The following GARNL3 variants were observed in gnomAD, a reference collection of about 807,000 sequenced individuals.
GARNL3 encodes the protein GTPase-activating Rap/Ran-GAP domain-like protein 3.
A neutral mutation model predicts 125.0 loss-of-function variants in GARNL3; 63 were observed. The ratio of observed to expected loss-of-function variants is 0.50; its 90% CI spans 0.41 to 0.62. The LOEUF (loss-of-function observed/expected upper bound fraction) is 0.62, where lower values mean the gene tolerates loss of function less well. Among genes scored for constraint, GARNL3 ranks in the 20% least tolerant of loss-of-function variants. The probability of loss-of-function intolerance (pLI) is 0.00; values close to 1 mark genes in which losing one functional copy is unlikely to be tolerated. For missense variants in GARNL3, 994 were observed against 1,244.0 expected (o/e 0.80, Z 3.02); for synonymous variants, 439 against 457.5 (o/e 0.96, Z 0.52).
chr9:127,332,201 G>A lies in GARNL3; in HGVS notation c.595-73G>A, dbSNP rs180753175. On this transcript the variant is annotated intron_variant, in intron 7 of 27. Transcript: ENST00000373387. ...GGTGACTGCCATTGTGCTAAGTCACGAACAGCCCATCTCAAAACTATATAC... is the reference window on the plus strand; with the variant it reads ...GGTGACTGCCATTGTGCTAAGTCACAAACAGCCCATCTCAAAACTATATAC... 171 of 1,117,370 alleles carry A rather than the reference G, an allele frequency of 1.5e-4. 5 individuals are homozygous for A. The Admixed American group carries it at 2.1e-3, about 14-fold the overall frequency. 69.2% of individuals were successfully genotyped at this position (1,117,370 alleles called of 1,614,324 possible).
At chr9:127,246,806 CA>C (rs889466630) in intron 2 of GARNL3, among the ~76,000 whole-genome samples, 25 of 145,596 alleles carry the variant, frequency 1.7e-4, no homozygotes, top group African/African-American at 5.3e-4. Context: ...GACTCTGCCT[CA>C]AAAAAAAAAT....
Position 127,345,486 on chromosome 9 carries a change from A to C in GARNL3, c.1431+9A>C, listed in dbSNP as rs372890650. ...GGATCTGTAAAAAAGAGGTGAGTTC[A>C]TGATACTTTCAATTTGAACTTTGAA... On this transcript the variant is annotated intron_variant, in intron 16 of 27. Coordinates refer to ENST00000373387, the MANE Select transcript of GARNL3 (RefSeq NM_032293.5). The C allele has an allele frequency of 6.5e-7, 1 of 1,539,626 alleles. No homozygotes were observed. Among genetic ancestry groups the C allele is most frequent in the Non-Finnish European group, 8.9e-7 (1 of 1,127,278 alleles).
At chr9:127,261,338 C>T (rs1053343319), upstream of GARNL3, among the ~76,000 whole-genome samples, 1 of 151,756 alleles carries the variant, frequency 6.6e-6, no homozygotes, top group South Asian at 2.1e-4. Context: ...CCCCAGAGTC[C>T]TCTCCATTGC....
At chr9:127,356,152 A>G (rs573222083) in intron 20 of GARNL3, among the ~76,000 whole-genome samples, 2 of 152,336 alleles carry the variant, frequency 1.3e-5, no homozygotes, top group East Asian at 3.9e-4. Flanking sequence ...GAAGCAGAGA[A>G]GTGGCAGGTT....
chr9:127,224,875 G>C (rs1362132783), intron 1 of GARNL3, among the ~76,000 whole-genome samples: 2 of 147,522 alleles, frequency 1.4e-5, no homozygotes, highest in African/African-American at 5.0e-5. Flanking sequence ...AACCCCGCGG[G>C]GCTGGCGCGG....
In GARNL3 at chr9:127,365,985, G is replaced by A. The variant is rs968398214; in HGVS notation, c.2161+619G>A. ...GTTGGGCAGACCAAAGGTATCAAAT[G>A]GGATCTTTAAGGATTTTCAGCATTT... On this transcript the variant is annotated intron_variant, in intron 22 of 27. Transcript: ENST00000373387. Among the ~76,000 whole-genome samples the A allele has an allele frequency of 1.6e-4, 25 of 152,222 alleles. No individual in the cohort carries two copies. The South Asian group carries it at 2.3e-3, about 14-fold the overall frequency.
intron 22 of GARNL3, among the ~76,000 whole-genome samples, chr9:127,374,145 C>T (rs1232167162): frequency 6.6e-6 from 1 of 151,804 alleles, no homozygotes; most frequent in African/African-American, 2.4e-5. Context: ...CTACTAAATA[C>T]AAAAAATTAG....
intron 2 of GARNL3, among the ~76,000 whole-genome samples, chr9:127,306,726 C>CAA (rs544849770): frequency 1.3e-4 from 14 of 103,776 alleles, no homozygotes; most frequent in Middle Eastern, 5.1e-3. Flanking sequence ...AATTCTGTCT[C>CAA]AAAAAAAAAA....
At chr9:127,371,982 A>G (rs1831635453) in intron 22 of GARNL3, among the ~76,000 whole-genome samples, 1 of 152,172 alleles carries the variant, frequency 6.6e-6, no homozygotes, top group Admixed American at 6.5e-5. Flanking sequence ...GCCCAGGCTG[A>G]AGTTCAGTGG....
chr9:127,252,867 T>A (rs2063430457), intron 2 of GARNL3, among the ~76,000 whole-genome samples: 1 of 152,232 alleles, frequency 6.6e-6, no homozygotes, highest in East Asian at 1.9e-4. Flanking sequence ...AATTGCATTA[T>A]CTATGTATTG....
In GARNL3 at chr9:127,336,337, G is replaced by A. The variant is rs546512545; in HGVS notation, c.982+101G>A. On this transcript the variant is annotated intron_variant, in intron 11 of 27. Transcript: ENST00000373387. ...CCAAATCTTGTCATGGACTTGTTTT[G>A]TAATGCTAGCTTTAGACTCACTTTT... The A allele has an allele frequency of 1.5e-4, 106 of 729,076 alleles. 3 individuals carry two copies. The South Asian group carries it at 1.9e-3, about 13-fold the overall frequency. 45.2% of individuals were successfully genotyped at this position (729,076 alleles called of 1,614,324 possible). A position where few individuals can be genotyped will look rare whatever the true frequency, so the allele number is the denominator to read the frequency against.
chr9:127,380,126 T>C (rs1213463318), intron 22 of GARNL3, among the ~76,000 whole-genome samples: 1 of 151,512 alleles, frequency 6.6e-6, no homozygotes, highest in Non-Finnish European at 1.5e-5. Flanking sequence ...CCAAGAGGCA[T>C]AGGTTGCAGT....
chr9:127,291,610 G>C (rs1221282802), intron 2 of GARNL3, among the ~76,000 whole-genome samples: 1 of 151,964 alleles, frequency 6.6e-6, no homozygotes, highest in Non-Finnish European at 1.5e-5. Context: ...AAAAATTACT[G>C]CAATGACAAA....
intron 2 of GARNL3, among the ~76,000 whole-genome samples, chr9:127,308,719 T>A (rs1053857469): frequency 5.9e-5 from 9 of 152,190 alleles, no homozygotes; most frequent in African/African-American, 2.2e-4. Context: ...AGAATACAGA[T>A]GGCATCAATG....
chr9:127,322,788 G>T (rs2065442229), intron 6 of GARNL3, among the ~76,000 whole-genome samples: 1 of 152,198 alleles, frequency 6.6e-6, no homozygotes, highest in African/African-American at 2.4e-5. Context: ...AAAGAGGGAA[G>T]GTGGCTGGTG....
At chr9:127,326,831 G>A (rs2065589227) in intron 7 of GARNL3, among the ~76,000 whole-genome samples, 1 of 152,106 alleles carries the variant, frequency 6.6e-6, no homozygotes, top group African/African-American at 2.4e-5. Flanking sequence ...TTCACCACAT[G>A]GGCATGTAGC....
At chr9:127,276,744 C>A (rs980283437) in intron 1 of GARNL3, among the ~76,000 whole-genome samples, 1 of 152,234 alleles carries the variant, frequency 6.6e-6, no homozygotes, top group African/African-American at 2.4e-5. Context: ...ATAGCCATGT[C>A]CCAGTCTCTT....
At position 127,384,889 on chromosome 9, in the gene GARNL3, T is replaced by C; in HGVS notation, c.2270-138T>C. 3.7e-6 allele frequency: 2 copies of C among 546,708 alleles called. No homozygotes were observed. The highest frequency in any genetic ancestry group is 2.7e-5 in the South Asian group (1 of 37,614). The allele number at this position is 546,708 out of a possible 1,614,324, so 33.9% of individuals were successfully genotyped here. On this transcript the variant is annotated intron_variant, in intron 23 of 27. Coordinates refer to ENST00000373387, the MANE Select transcript of GARNL3 (RefSeq NM_032293.5). The surrounding 1 kb of genome is among the most constrained non-coding windows in gnomAD (Gnocchi z 4.0). The stretch of plus-strand genomic sequence containing the variant: ...CCTTAGGATCAGGGTGACTTGCACA[T>C]GTGAAGGAAGGAGAGAAGCAGCCAG...
chr9:127,261,196 C>T (rs536688624), upstream of GARNL3, among the ~76,000 whole-genome samples: 4 of 151,970 alleles, frequency 2.6e-5, 1 homozygote, highest in African/African-American at 9.6e-5. Context: ...GTGGAGGTTG[C>T]AGTGAGCTGA....
Sources: allele counts gnomAD v4.1 joint callset (sites outside exome capture counted in the v4.1 genomes callset), GRCh38; gene constraint gnomAD v4.1.1; non-coding constraint Gnocchi (gnomAD v3.1); transcripts MANE v1.5; gene names NCBI Gene and HGNC (gene_info 2026-07-23, HGNC 2026-07-21).